Variants in XKR6 observed in about 807,000 individuals in gnomAD.
XKR6 encodes XK related 6, also known as XK-related protein 6.
A neutral mutation model predicts 56.7 loss-of-function variants in XKR6; 22 were observed. The ratio of observed to expected loss-of-function variants is 0.39; its 90% CI spans 0.28 to 0.55. The LOEUF (loss-of-function observed/expected upper bound fraction) is 0.55. XKR6 is among the 20% of genes least tolerant of loss of function. XKR6 has a pLI of 0.66. For synonymous variants in XKR6, 524 were observed against 387.8 expected (o/e 1.35, Z -4.13); for missense variants, 852 against 889.0 (o/e 0.96, Z 0.53).
At chr8:10,997,568 G>C (rs1342559321) in intron 1 of XKR6, among the ~76,000 whole-genome samples, 1 of 152,188 alleles carries the variant, frequency 6.6e-6, no homozygotes, top group Admixed American at 6.5e-5. Context: ...AATGAGATGA[G>C]GGTTATGGAG....
chr8:11,100,853 C>G (rs1798446106), intron 1 of XKR6, among the ~76,000 whole-genome samples: 1 of 152,164 alleles, frequency 6.6e-6, no homozygotes, highest in South Asian at 2.1e-4. Context: ...GCGTTGGCCT[C>G]CGAGTCAGTG....
chr8:11,180,820 G>A (rs1802934242), intron 1 of XKR6, among the ~76,000 whole-genome samples: 1 of 152,114 alleles, frequency 6.6e-6, no homozygotes, highest in Non-Finnish European at 1.5e-5. Context: ...GGCAGGAGGA[G>A]CACACCAGCC....
intron 1 of XKR6, among the ~76,000 whole-genome samples, chr8:11,067,647 G>C (rs530861933): frequency 2.0e-4 from 31 of 152,340 alleles, no homozygotes; most frequent in Non-Finnish European, 4.4e-4. Flanking sequence ...ACCAGCTGAG[G>C]GGAGTTGAGA....
At chr8:11,199,253 C>A (rs1317911571) in intron 1 of XKR6, among the ~76,000 whole-genome samples, 3 of 152,198 alleles carry the variant, frequency 2.0e-5, no homozygotes, top group African/African-American at 7.2e-5. Context: ...TGAATTTGCA[C>A]GTAAATCCAG....
chr8:10,956,531 T>A (rs942183349), intron 1 of XKR6, among the ~76,000 whole-genome samples: 2 of 152,102 alleles, frequency 1.3e-5, no homozygotes, highest in African/African-American at 2.4e-5. Context: ...CAGCCAATTA[T>A]CGACAGAGAG....
intron 2 of XKR6, among the ~76,000 whole-genome samples, chr8:10,904,173 A>C (rs1800120456): frequency 6.6e-6 from 1 of 152,130 alleles, no homozygotes; most frequent in East Asian, 1.9e-4. Flanking sequence ...TGACCTTCAC[A>C]GCTCCCTTTC....
chr8:11,192,244 C>T (rs1803621700), intron 1 of XKR6, among the ~76,000 whole-genome samples: 1 of 152,018 alleles, frequency 6.6e-6, no homozygotes, highest in Non-Finnish European at 1.5e-5. Flanking sequence ...CTGCAACCTC[C>T]GCCTCCCGGG....
At chr8:10,986,977 T>C (rs1324705188) in intron 1 of XKR6, among the ~76,000 whole-genome samples, 2 of 151,774 alleles carry the variant, frequency 1.3e-5, no homozygotes, top group Non-Finnish European at 2.9e-5. Flanking sequence ...CTCTTAGAGA[T>C]GGGGGTCTCA....
chr8:10,957,872 C>A (rs893255660), intron 1 of XKR6, among the ~76,000 whole-genome samples: 1 of 151,658 alleles, frequency 6.6e-6, no homozygotes, highest in African/African-American at 2.4e-5. Flanking sequence ...ACAACAATAT[C>A]GAATCTAAAA....
chr8:10,997,411 G>T (rs549370623), intron 1 of XKR6, among the ~76,000 whole-genome samples: 2 of 152,294 alleles, frequency 1.3e-5, no homozygotes, highest in South Asian at 4.1e-4. Flanking sequence ...CCAACAAATA[G>T]GGCAGCCAGG....
At chr8:11,101,309 G>A (rs1798471266) in intron 1 of XKR6, among the ~76,000 whole-genome samples, 1 of 152,148 alleles carries the variant, frequency 6.6e-6, no homozygotes, top group African/African-American at 2.4e-5. Context: ...AGAGGGAGCT[G>A]GTTATATTCA....
At chr8:11,018,920 C>T (rs528041398) in intron 1 of XKR6, among the ~76,000 whole-genome samples, 1 of 152,296 alleles carries the variant, frequency 6.6e-6, no homozygotes, top group South Asian at 2.1e-4. Context: ...CAAAGGTGCT[C>T]TGTCTCTCCT....
In XKR6 at chr8:11,119,175, A is replaced by G. The variant is rs1375866251; in HGVS notation, c.764+81401T>C. On this transcript the variant is annotated intron_variant, in intron 1 of 2. Coordinates refer to ENST00000416569, the MANE Select transcript of XKR6 (RefSeq NM_173683.4). Reference sequence around the variant, plus strand: ...TTGTTTGCACTGTGGTCTGAGAGACAGTTTGTTATAATTTCTGTTCTTTTA... The same window carrying G: ...TTGTTTGCACTGTGGTCTGAGAGACGGTTTGTTATAATTTCTGTTCTTTTA... 1.6e-3 allele frequency among the ~76,000 whole-genome samples: 249 copies of G among 152,198 alleles called. 5 individuals are homozygous for G. The highest frequency in any genetic ancestry group is 5.8e-4 in the East Asian group (3 of 5,180).
At chr8:11,039,879 C>G (rs577381315) in intron 1 of XKR6, among the ~76,000 whole-genome samples, 2 of 152,360 alleles carry the variant, frequency 1.3e-5, no homozygotes, top group South Asian at 4.1e-4. Flanking sequence ...CTCCAAAGAG[C>G]AAAAGGACAT....
chr8:10,940,478 T>C (rs965207421), intron 1 of XKR6, among the ~76,000 whole-genome samples: 21 of 152,176 alleles, frequency 1.4e-4, no homozygotes, highest in Non-Finnish European at 2.6e-4. Flanking sequence ...GAGGCCATAG[T>C]AGGCCCCGAT....
chr8:11,121,942 A>C (rs1244389233), intron 1 of XKR6, among the ~76,000 whole-genome samples: 3 of 152,254 alleles, frequency 2.0e-5, no homozygotes, highest in African/African-American at 7.2e-5. Context: ...AGGACAAAAA[A>C]CCATATACCA....
Position 10,983,394 on chromosome 8 carries a change from T to C in XKR6, c.765-58564A>G, listed in dbSNP as rs527948011. ...CCTGCAAGGCCTATTTGCTCCATTC[T>C]GTAAAGATCAATTTGTAAACCTGAA... On this transcript the variant is annotated intron_variant, in intron 1 of 2. Coordinates refer to ENST00000416569, the MANE Select transcript of XKR6 (RefSeq NM_173683.4). Among the ~76,000 whole-genome samples the C allele has an allele frequency of 2.0e-5, 3 of 152,232 alleles. No homozygotes were observed. The East Asian group carries it at 5.8e-4, about 29-fold the overall frequency.
chr8:10,951,925 C>T (rs1042987245), intron 1 of XKR6, among the ~76,000 whole-genome samples: 10 of 152,064 alleles, frequency 6.6e-5, no homozygotes, highest in Non-Finnish European at 1.5e-4. Flanking sequence ...TGAGTGGGGA[C>T]GACAGGAGAA....
intron 1 of XKR6, among the ~76,000 whole-genome samples, chr8:11,007,283 A>G (rs927563870): frequency 6.6e-6 from 1 of 152,168 alleles, no homozygotes; most frequent in African/African-American, 2.4e-5. Context: ...GTCATGTATG[A>G]TAGTTAAATG....
Sources: allele counts gnomAD v4.1 joint callset (sites outside exome capture counted in the v4.1 genomes callset), GRCh38; gene constraint gnomAD v4.1.1; transcripts MANE v1.5; gene names NCBI Gene and HGNC (gene_info 2026-07-23, HGNC 2026-07-21).